The following CELF5 variants were observed in gnomAD, a reference collection of about 807,000 sequenced individuals.
CELF5 encodes CUG-BP and ETR-3 like factor 5.
CELF5 carries 6 observed loss-of-function variants against 54.9 expected under a neutral mutation model. The ratio of observed to expected loss-of-function variants is 0.11; its 90% CI spans 0.06 to 0.22. The LOEUF is 0.22. Among genes scored for constraint, CELF5 ranks in the 10% least tolerant of loss-of-function variants. CELF5 has a pLI of 1.00. For missense variants in CELF5, 401 were observed against 678.6 expected (o/e 0.59, Z 4.54); for synonymous variants, 271 against 290.9 (o/e 0.93, Z 0.70).
chr19:3,250,052 G>A (rs2079626553), intron 1 of CELF5, among the ~76,000 whole-genome samples: 1 of 152,196 alleles, frequency 6.6e-6, no homozygotes, highest in African/African-American at 2.4e-5. Flanking sequence ...TGTGTGTGCA[G>A]GGGTGGAACG....
rs1187985388 is a variant in CELF5 at position 3,282,041 on chromosome 19, T to C, written c.751-85T>C. The C allele has an allele frequency of 1.5e-5, 23 of 1,496,764 alleles. No homozygotes were observed. The highest frequency in any genetic ancestry group is 2.8e-5 in the African/African-American group (2 of 72,546). 92.7% of individuals were successfully genotyped at this position (1,496,764 alleles called of 1,614,324 possible). On this transcript the variant is annotated intron_variant, in intron 6 of 12. Transcript: ENST00000292672. This position sits in a 1 kb window ranked among gnomAD's most constrained non-coding sequence, Gnocchi z 5.2. ...AAGATACCCAGCCTGACCTCCTCACTAGTAACTGGGGTACCAAGCCTCCCC... is the reference window on the plus strand; with the variant it reads ...AAGATACCCAGCCTGACCTCCTCACCAGTAACTGGGGTACCAAGCCTCCCC...
intron 12 of CELF5, chr19:3,294,646 T>TC (rs2080405471): frequency 6.6e-6 from 1 of 152,162 alleles, no homozygotes; most frequent in Non-Finnish European, 1.5e-5. Context: ...GCACTTTTTT[T>TC]TTTTAACTGA....
intron 2 of CELF5, among the ~76,000 whole-genome samples, chr19:3,264,561 A>G (rs867567838): frequency 1.3e-5 from 2 of 150,382 alleles, no homozygotes; most frequent in African/African-American, 4.9e-5. Flanking sequence ...GACTACAGGC[A>G]CCCGCCACCA....
chr19:3,237,944 G>C (rs1225496669), intron 1 of CELF5, among the ~76,000 whole-genome samples: 1 of 152,236 alleles, frequency 6.6e-6, no homozygotes, highest in African/African-American at 2.4e-5. Flanking sequence ...AGCTACTCGG[G>C]AGGCTGAGGC....
chr19:3,243,385 A>T (rs1208437332), intron 1 of CELF5, among the ~76,000 whole-genome samples: 1 of 152,052 alleles, frequency 6.6e-6, no homozygotes, highest in African/African-American at 2.4e-5. Context: ...GGCTCAAGCG[A>T]TTCTCCTGTC....
At chr19:3,248,116 T>C (rs892143317) in intron 1 of CELF5, among the ~76,000 whole-genome samples, 1 of 152,182 alleles carries the variant, frequency 6.6e-6, no homozygotes, top group Non-Finnish European at 1.5e-5. Context: ...TACATTCATA[T>C]TGTTCTGCAA....
chr19:3,271,048 C>T (rs2079954373), intron 2 of CELF5, among the ~76,000 whole-genome samples: 1 of 151,158 alleles, frequency 6.6e-6, no homozygotes, highest in Non-Finnish European at 1.5e-5. Flanking sequence ...AAGGCAGGAG[C>T]TGGGCTCGCC....
chr19:3,250,489 A>AAAAT (rs1356163874), intron 1 of CELF5, among the ~76,000 whole-genome samples: 27 of 152,316 alleles, frequency 1.8e-4, no homozygotes, highest in Non-Finnish European at 2.4e-4. Flanking sequence ...ACTCCGTCTC[A>AAAAT]AAATAAATAA....
chr19:3,249,626 C>CG (rs1156829413), intron 1 of CELF5, among the ~76,000 whole-genome samples: 1 of 151,846 alleles, frequency 6.6e-6, no homozygotes, highest in Non-Finnish European at 1.5e-5. Flanking sequence ...TGGGCCACTC[C>CG]GGGGCTGGCC....
chr19:3,260,164 C>T (rs146811527), intron 2 of CELF5, among the ~76,000 whole-genome samples: 17 of 151,626 alleles, frequency 1.1e-4, no homozygotes, highest in African/African-American at 3.1e-4. Flanking sequence ...TCACCCAGGC[C>T]GGAGTGCAGG....
At chr19:3,229,429 G>A (rs1049304929) in intron 1 of CELF5, among the ~76,000 whole-genome samples, 5 of 152,188 alleles carry the variant, frequency 3.3e-5, no homozygotes, top group African/African-American at 1.2e-4. Flanking sequence ...GGAATATGAT[G>A]GCAAAACACA....
Position 3,241,187 on chromosome 19 carries a change from A to G in CELF5, c.260-9798A>G, listed in dbSNP as rs893922813. ...AGCAGTTCTTCTGCCTCAGGCTCCC[A>G]AGTAGCTGGGATTACAGGCACGAAC... is the stretch of plus-strand genomic sequence containing the variant. On this transcript the variant is annotated intron_variant, in intron 1 of 12. Coordinates refer to ENST00000292672, the MANE Select transcript of CELF5 (RefSeq NM_021938.4). Among the ~76,000 whole-genome samples the G allele has an allele frequency of 8.6e-5, 13 of 150,748 alleles. No homozygotes were observed. The East Asian group carries it at 2.6e-3, about 30-fold the overall frequency.
chr19:3,238,834 G>A (rs2145010687), intron 1 of CELF5, among the ~76,000 whole-genome samples: 1 of 152,268 alleles, frequency 6.6e-6, no homozygotes, highest in East Asian at 1.9e-4. Context: ...GGAGGCTGAA[G>A]CAGAATTGCT....
rs1422679638 is a variant in CELF5, at chr19:3,285,889, C to T, written c.1103-53C>T. On this transcript the variant is annotated intron_variant, in intron 9 of 12. Transcript: ENST00000292672. ...CCTCCCCGCCCAGCGGCCCAGGCCG[C>T]CCACGTGGCCTCACGCCCCTCCTCG... 4 of 1,400,516 alleles carry T rather than the reference C, an allele frequency of 2.9e-6. No homozygotes were observed. The African/African-American group carries it at 4.5e-5, about 16-fold the overall frequency. The allele number at this position is 1,400,516 out of a possible 1,614,324, so 86.8% of individuals were successfully genotyped here.
At chr19:3,242,930 C>T (rs2079511637) in intron 1 of CELF5, among the ~76,000 whole-genome samples, 2 of 152,068 alleles carry the variant, frequency 1.3e-5, no homozygotes, top group South Asian at 4.2e-4. Flanking sequence ...TGCTGCTGCA[C>T]TTCAGCCTGA....
intron 2 of CELF5, among the ~76,000 whole-genome samples, chr19:3,253,921 T>C (rs1297139766): frequency 6.6e-6 from 1 of 152,130 alleles, no homozygotes; most frequent in Non-Finnish European, 1.5e-5. Context: ...CATTCCTTTG[T>C]CCTCATTTCC....
intron 2 of CELF5, among the ~76,000 whole-genome samples, chr19:3,254,818 C>T (rs1274427339): frequency 6.6e-6 from 1 of 151,946 alleles, no homozygotes; most frequent in Admixed American, 6.6e-5. Context: ...ATCCACCCAT[C>T]CATCCATCCA....
intron 1 of CELF5, among the ~76,000 whole-genome samples, chr19:3,244,898 G>A (rs1327876972): frequency 6.8e-6 from 1 of 147,602 alleles, no homozygotes; most frequent in Non-Finnish European, 1.5e-5. Context: ...CTGCATATAT[G>A]TGTGTGTGGT....
chr19:3,253,477 T>G (rs2079678629), intron 2 of CELF5, among the ~76,000 whole-genome samples: 1 of 152,154 alleles, frequency 6.6e-6, no homozygotes, highest in African/African-American at 2.4e-5. Context: ...CAGTGCTGCT[T>G]GAGCTTCCTT....
Sources: gnomAD v4.1 joint callset for allele counts (sites outside exome capture counted in the v4.1 genomes callset) on GRCh38, gnomAD v4.1.1 for gene constraint, Gnocchi (gnomAD v3.1) non-coding constraint, MANE v1.5 for transcripts, NCBI Gene and HGNC (gene_info 2026-07-23, HGNC 2026-07-21) for gene names.